The following ATXN1 variants were observed in gnomAD, a reference collection of about 807,000 sequenced individuals.
ATXN1 encodes the protein ataxin-1.
Under a neutral mutation model 56.4 loss-of-function variants are expected in ATXN1, and 8 were observed. That is an observed-to-expected ratio of 0.14 (90% CI 0.08 to 0.26). The LOEUF is 0.26. ATXN1 is among the 10% of genes least tolerant of loss of function. The pLI, the probability that ATXN1 is intolerant of heterozygous loss-of-function variation, is 1.00. For synonymous variants in ATXN1, 514 were observed against 494.6 expected (o/e 1.04, Z -0.52); for missense variants, 987 against 1,106.5 (o/e 0.89, Z 1.53).
chr6:16,306,929 G>C lies in ATXN1; in HGVS notation c.1918-70C>G. On this transcript the variant is annotated intron_variant, in intron 7 of 7. Coordinates refer to ENST00000436367, the MANE Select transcript of ATXN1 (RefSeq NM_001128164.2). The surrounding 1 kb of genome is among the most constrained non-coding windows in gnomAD (Gnocchi z 5.2). ...AAATGAAAACATTTTATTCTTGTTT[G>C]ATTTTATGCACACACACAGGTATGA... 1 of 1,475,776 alleles carries C rather than the reference G, an allele frequency of 6.8e-7. No individual in the cohort carries two copies. The highest frequency in any genetic ancestry group is 9.1e-7 in the Non-Finnish European group (1 of 1,104,126). The allele number at this position is 1,475,776 out of a possible 1,614,324, so 91.4% of individuals were successfully genotyped here. A position where few individuals can be genotyped will look rare whatever the true frequency, so the allele number is the denominator to read the frequency against.
chr6:16,521,289 C>T (rs1048230483), intron 5 of ATXN1, among the ~76,000 whole-genome samples: 7 of 152,306 alleles, frequency 4.6e-5, no homozygotes, highest in African/African-American at 1.7e-4. Flanking sequence ...TGGGGCCGGG[C>T]GCGGTGGCTC....
At chr6:16,452,455 T>TTGTG (rs1476360388) in intron 6 of ATXN1, among the ~76,000 whole-genome samples, 1 of 152,236 alleles carries the variant, frequency 6.6e-6, no homozygotes, top group East Asian at 1.9e-4. Flanking sequence ...CTCTGAGTGA[T>TTGTG]TGTGTGTCAG....
At chr6:16,639,674 C>A (rs1467579969) in intron 3 of ATXN1, among the ~76,000 whole-genome samples, 1 of 152,218 alleles carries the variant, frequency 6.6e-6, no homozygotes, top group Admixed American at 6.5e-5. Context: ...CAGCTTCAAC[C>A]AGCAGCAGCC....
chr6:16,670,503 C>T (rs1758518790), intron 2 of ATXN1, among the ~76,000 whole-genome samples: 4 of 152,194 alleles, frequency 2.6e-5, no homozygotes, highest in Admixed American at 2.6e-4. Flanking sequence ...AAAAAGAGAT[C>T]TGGAGAAAAC....
chr6:16,438,026 AGGGGTAGG>A (rs1334611403), intron 6 of ATXN1, among the ~76,000 whole-genome samples: 1 of 152,230 alleles, frequency 6.6e-6, no homozygotes, highest in Non-Finnish European at 1.5e-5. Context: ...CCATGAGGCT[AGGGGTAGG>A]GGGATCAGGC....
intron 2 of ATXN1, among the ~76,000 whole-genome samples, chr6:16,691,074 T>G (rs1759034431): frequency 1.3e-5 from 2 of 152,232 alleles, no homozygotes. Context: ...TTTAAATGCA[T>G]GTCGAAATGA....
chr6:16,524,909 G>A (rs975159091), intron 4 of ATXN1, among the ~76,000 whole-genome samples: 22 of 152,054 alleles, frequency 1.4e-4, no homozygotes, highest in African/African-American at 4.8e-4. Flanking sequence ...AAAATTAGCC[G>A]GGCATGGTGG....
intron 2 of ATXN1, among the ~76,000 whole-genome samples, chr6:16,728,347 T>C (rs1229132319): frequency 1.3e-5 from 2 of 152,180 alleles, no homozygotes; most frequent in Non-Finnish European, 2.9e-5. Context: ...TGGAGATTCA[T>C]GCTGGGCATG....
At chr6:16,544,732 G>A (rs1357684315) in intron 4 of ATXN1, among the ~76,000 whole-genome samples, 2 of 152,150 alleles carry the variant, frequency 1.3e-5, no homozygotes, top group Admixed American at 1.3e-4. Context: ...TTTCCTCCTT[G>A]CCTGCAGCTT....
intron 2 of ATXN1, among the ~76,000 whole-genome samples, chr6:16,671,316 T>C (rs1447837935): frequency 6.6e-6 from 1 of 151,474 alleles, no homozygotes; most frequent in Non-Finnish European, 1.5e-5. Context: ...TTTCTTTTTT[T>C]TTTTTTTTGC....
chr6:16,614,242 G>T (rs1763164745), intron 3 of ATXN1, among the ~76,000 whole-genome samples: 1 of 151,676 alleles, frequency 6.6e-6, no homozygotes, highest in Admixed American at 6.6e-5. Context: ...ATGGAAGGGA[G>T]AACTGTTACT....
intron 6 of ATXN1, among the ~76,000 whole-genome samples, chr6:16,454,990 A>C (rs143263459): frequency 5.2e-4 from 79 of 152,298 alleles, no homozygotes; most frequent in African/African-American, 1.9e-3. Context: ...TATGTATGGA[A>C]AGGAGTAAAG....
intron 4 of ATXN1, among the ~76,000 whole-genome samples, chr6:16,584,195 T>C: frequency 7.2e-6 from 1 of 139,096 alleles, no homozygotes; most frequent in Non-Finnish European, 1.6e-5. Context: ...CTAACATAGT[T>C]ATATTTAATC....
chr6:16,536,276 C>A (rs1481539845), intron 4 of ATXN1, among the ~76,000 whole-genome samples: 1 of 152,036 alleles, frequency 6.6e-6, no homozygotes, highest in Non-Finnish European at 1.5e-5. Flanking sequence ...AAAGCAAGAA[C>A]TAAAGCCAAT....
intron 6 of ATXN1, among the ~76,000 whole-genome samples, chr6:16,474,045 A>T (rs929100624): frequency 2.0e-5 from 3 of 152,200 alleles, no homozygotes; most frequent in African/African-American, 7.2e-5. Flanking sequence ...TCCTCAGCAG[A>T]ACTTACTGAA....
In ATXN1 at chr6:16,575,629, C is replaced by A. The variant is rs998824166; in HGVS notation, c.-361+10151G>T. Among the ~76,000 whole-genome samples the A allele has an allele frequency of 2.0e-5, 3 of 152,308 alleles. No individual in the cohort carries two copies. The South Asian group carries it at 6.2e-4, about 32-fold the overall frequency. ...TCAGCTCATCTGTTCATTCATTTGA[C>A]AGGTTATCTTGAGGGCCTTGTGTTA... On this transcript the variant is annotated intron_variant, in intron 4 of 7. Coordinates refer to ENST00000436367, the MANE Select transcript of ATXN1 (RefSeq NM_001128164.2).
At chr6:16,602,300 T>C (rs1344049067) in intron 3 of ATXN1, among the ~76,000 whole-genome samples, 2 of 152,156 alleles carry the variant, frequency 1.3e-5, no homozygotes, top group East Asian at 1.9e-4. Context: ...CACCACAGTG[T>C]TTCAATATGA....
At chr6:16,440,457 AC>A (rs200117618) in intron 6 of ATXN1, among the ~76,000 whole-genome samples, 5 of 151,546 alleles carry the variant, frequency 3.3e-5, no homozygotes, top group African/African-American at 1.2e-4. Context: ...AAAAAAAAAA[AC>A]CATTTTCTAG....
chr6:16,350,703 T>C (rs1257764881), intron 6 of ATXN1, among the ~76,000 whole-genome samples: 5 of 152,200 alleles, frequency 3.3e-5, no homozygotes, highest in South Asian at 2.1e-4. Context: ...CTATGTGATA[T>C]CTGATAGTGG....
Sources: gnomAD v4.1 joint callset for allele counts (sites outside exome capture counted in the v4.1 genomes callset) on GRCh38, gnomAD v4.1.1 for gene constraint, Gnocchi (gnomAD v3.1) non-coding constraint, MANE v1.5 for transcripts, NCBI Gene and HGNC (gene_info 2026-07-23, HGNC 2026-07-21) for gene names.